SVEP1: variants seen among roughly 807,000 people sequenced by gnomAD.
SVEP1 encodes sushi, von Willebrand factor type A, EGF and pentraxin domain containing 1, also known as sushi, von Willebrand factor type A, EGF and pentraxin domain-containing protein 1.
In SVEP1, 164 loss-of-function variants were observed where a neutral mutation model predicts 367.3. That is an observed-to-expected ratio of 0.45 (90% CI 0.39 to 0.51). The LOEUF (loss-of-function observed/expected upper bound fraction) is 0.51, where lower values mean the gene tolerates loss of function less well. Ranked by LOEUF, SVEP1 falls within the 20% of genes least tolerant of loss-of-function variation. The probability of loss-of-function intolerance (pLI) is 0.00; values close to 1 mark genes in which losing one functional copy is unlikely to be tolerated. For synonymous variants in SVEP1, 1,666 were observed against 1,611.6 expected, an observed-to-expected ratio of 1.03 and a Z score of -0.81; for missense variants, 4,117 against 4,425.3, an observed-to-expected ratio of 0.93 and a Z score of 1.98.
At chr9:110,498,142 C>T (rs533379173) in intron 7 of SVEP1, among the ~76,000 whole-genome samples, 3 of 152,238 alleles carry the variant, frequency 2.0e-5, no homozygotes, top group Non-Finnish European at 4.4e-5. Context: ...ATTCTTGTTT[C>T]TTTTGTGCAA....
intron 47 of SVEP1, among the ~76,000 whole-genome samples, chr9:110,368,243 C>T (rs1042823041): frequency 6.6e-6 from 1 of 152,174 alleles, no homozygotes; most frequent in African/African-American, 2.4e-5. Context: ...GATGCTCAAC[C>T]ACTCCTCTGT....
At chr9:110,472,370 C>T (rs746447131) in intron 14 of SVEP1, 47 bp from the exon 15 acceptor site, 9 of 1,510,380 alleles carry the variant, frequency 6.0e-6, no homozygotes, top group Middle Eastern at 1.8e-4. Flanking sequence ...GTTGCTTTTT[C>T]GTCAGCGTTC....
chr9:110,429,431 A>G (rs1828315248), intron 34 of SVEP1, 97 bp from the exon 35 acceptor site: 3 of 917,870 alleles, frequency 3.3e-6, no homozygotes, highest in Non-Finnish European at 4.5e-6. Context: ...GAATTTATAC[A>G]TATTGGAAAA....
At chr9:110,555,301 T>C (rs950451386) in intron 1 of SVEP1, among the ~76,000 whole-genome samples, 1 of 152,212 alleles carries the variant, frequency 6.6e-6, no homozygotes, top group African/African-American at 2.4e-5. Context: ...TCATAACTAT[T>C]TCTTCAATGA....
rs535909228 is a variant in SVEP1 at position 110,369,077 on chromosome 9, A to AAGTGC, written c.10694+845_10694+846insGCACT. On this transcript the variant is annotated intron_variant, in intron 47 of 47. Transcript: ENST00000374469. The stretch of plus-strand genomic sequence containing the variant: ...CTATATGGTAGGGGTAAGTGTACAT[A>AAGTGC]ATACAAATCTAAGTGCAGTGATATA... Among the ~76,000 whole-genome samples the AAGTGC allele has an allele frequency of 6.0e-4, 92 of 152,340 alleles. 2 individuals are homozygous for AAGTGC. The South Asian group carries it at 0.018, about 29-fold the overall frequency.
intron 3 of SVEP1, among the ~76,000 whole-genome samples, chr9:110,523,247 C>T (rs1829899629): frequency 6.6e-6 from 1 of 152,200 alleles, no homozygotes. Flanking sequence ...TGCAAGTCGT[C>T]TTCATTTCTA....
chr9:110,407,186 T>G lies in SVEP1; in HGVS notation c.8414A>C (p.Tyr2805Ser). ...TCTCCTCTCAGTGCCATTCAGCACA[T>G]ATCCGGGGTCACACTCATAGTACAA... ...STLYYECDPG[Y>S]VLNGTERRTC... The change falls in exon 38 of 48, where the codon TAT becomes TCT. Residue 2805 changes from tyrosine to serine, a missense_variant. Physicochemically the swap from Tyr to Ser is moderately radical, Grantham distance 144 (BLOSUM62 -2). Coordinates refer to ENST00000374469, the MANE Select transcript of SVEP1 (RefSeq NM_153366.4). 1 of 1,614,018 alleles carries G rather than the reference T, an allele frequency of 6.2e-7. No individual in the cohort carries two copies. The highest frequency in any genetic ancestry group is 1.1e-5 in the South Asian group (1 of 91,084).
At chr9:110,479,197 C>T (rs1437046699) in intron 13 of SVEP1, among the ~76,000 whole-genome samples, 4 of 152,120 alleles carry the variant, frequency 2.6e-5, no homozygotes, top group South Asian at 2.1e-4. Context: ...GGATTACAGG[C>T]GTGAGCCACC....
intron 36 of SVEP1, among the ~76,000 whole-genome samples, chr9:110,417,123 C>T (rs868779331): frequency 1.3e-5 from 2 of 151,858 alleles, no homozygotes; most frequent in East Asian, 3.9e-4. Context: ...CCAAGATGGC[C>T]GAATAGGAAC....
intron 1 of SVEP1, among the ~76,000 whole-genome samples, chr9:110,573,466 C>T (rs1184304982): frequency 6.6e-6 from 1 of 152,194 alleles, no homozygotes; most frequent in Non-Finnish European, 1.5e-5. Flanking sequence ...CCCACACATT[C>T]CCAGTCCTCT....
At chr9:110,375,743 G>A (rs973266905) in intron 45 of SVEP1, among the ~76,000 whole-genome samples, 7 of 149,254 alleles carry the variant, frequency 4.7e-5, no homozygotes, top group Non-Finnish European at 7.4e-5. Context: ...TGTCTGCAAA[G>A]TGCTTTGCTT....
chr9:110,505,694 T>C (rs1187384963), intron 5 of SVEP1, among the ~76,000 whole-genome samples: 2 of 152,126 alleles, frequency 1.3e-5, no homozygotes, highest in Non-Finnish European at 2.9e-5. Context: ...CTCTCCTTTC[T>C]CTTTTTTCTC....
At chr9:110,480,620 C>T (rs537596088) in intron 12 of SVEP1, among the ~76,000 whole-genome samples, 1 of 151,994 alleles carries the variant, frequency 6.6e-6, no homozygotes, top group African/African-American at 2.4e-5. Flanking sequence ...CTTCTGCACA[C>T]TATGAGAGTT....
chr9:110,529,071 CCA>C (rs1291646331), intron 3 of SVEP1, among the ~76,000 whole-genome samples: 5 of 151,960 alleles, frequency 3.3e-5, no homozygotes, highest in Admixed American at 6.6e-5. Context: ...AGACAGGTAT[CCA>C]GTTTCATTCT....
intron 41 of SVEP1, among the ~76,000 whole-genome samples, chr9:110,388,074 G>A (rs989024908): frequency 2.0e-5 from 3 of 152,126 alleles, no homozygotes; most frequent in Non-Finnish European, 2.9e-5. Context: ...GCTTAGAGAA[G>A]TTAAATAATT....
At chr9:110,543,500 A>G (rs1033371956) in intron 3 of SVEP1, among the ~76,000 whole-genome samples, 2 of 152,148 alleles carry the variant, frequency 1.3e-5, no homozygotes, top group Admixed American at 1.3e-4. Context: ...TGCGCCTTTC[A>G]TCCTGGAATG....
intron 3 of SVEP1, among the ~76,000 whole-genome samples, chr9:110,526,183 G>A (rs1222281521): frequency 1.3e-5 from 2 of 151,988 alleles, no homozygotes; most frequent in African/African-American, 4.8e-5. Context: ...TTGATAACTG[G>A]ACTTTGAACT....
At chr9:110,439,314 C>T (rs1212219829) in intron 27 of SVEP1, among the ~76,000 whole-genome samples, 5 of 152,202 alleles carry the variant, frequency 3.3e-5, no homozygotes, top group African/African-American at 1.2e-4. Context: ...AGGGGGCTCT[C>T]ACCAGGAACC....
intron 5 of SVEP1, among the ~76,000 whole-genome samples, chr9:110,506,375 TTAAAC>T (rs1209500872): frequency 2.0e-5 from 3 of 152,188 alleles, no homozygotes; most frequent in Non-Finnish European, 2.9e-5. Context: ...TGGGACCTAA[TTAAAC>T]TAAAGAGCTT....
Sources: allele counts gnomAD v4.1 joint callset (sites outside exome capture counted in the v4.1 genomes callset), GRCh38; gene constraint gnomAD v4.1.1; transcripts MANE v1.5; gene names NCBI Gene and HGNC (gene_info 2026-07-23, HGNC 2026-07-21).